Variants in CD244 observed in about 807,000 individuals in gnomAD.
The protein encoded by CD244 is CD244 molecule.
Under a neutral mutation model 45.5 loss-of-function variants are expected in CD244, and 20 were observed. That is an observed-to-expected ratio of 0.44 (90% CI 0.31 to 0.64). The LOEUF (loss-of-function observed/expected upper bound fraction) is 0.64, where lower values mean the gene tolerates loss of function less well. Among genes scored for constraint, CD244 ranks in the 30% least tolerant of loss-of-function variants. The pLI, the probability that CD244 is intolerant of heterozygous loss-of-function variation, is 0.08. For missense variants in CD244, 407 were observed against 426.9 expected (o/e 0.95, Z 0.41); for synonymous variants, 185 against 160.5 (o/e 1.15, Z -1.15).
At position 160,832,430 on chromosome 1, in the gene CD244, A is replaced by G. The variant is rs552415997; in HGVS notation, c.1017+89T>C. 7.6e-6 allele frequency: 6 copies of G among 791,788 alleles called. No homozygotes were observed. In the South Asian group the frequency reaches 1.0e-4, roughly 13 times the overall value. 49.0% of individuals were successfully genotyped at this position (791,788 alleles called of 1,614,324 possible). A position where few individuals can be genotyped will look rare whatever the true frequency, so the allele number is the denominator to read the frequency against. ...TCCCTACAACTCTGAGACTGTGTGA[A>G]TGATCTTTTCCTAAGTGTACCCTTT... On this transcript the variant is annotated intron_variant, in intron 8 of 8. Transcript: ENST00000368034.
At chr1:160,845,572 C>A (rs1669701899) in intron 1 of CD244, among the ~76,000 whole-genome samples, 2 of 152,148 alleles carry the variant, frequency 1.3e-5, no homozygotes, top group South Asian at 4.1e-4. Flanking sequence ...AACAAACCGA[C>A]AAGCTGGGCA....
intron 1 of CD244, among the ~76,000 whole-genome samples, chr1:160,860,496 T>G (rs1670259819): frequency 6.6e-6 from 1 of 152,114 alleles, no homozygotes; most frequent in Non-Finnish European, 1.5e-5. Context: ...TATGTGAATA[T>G]GGAAAGCATA....
At chr1:160,856,478 C>A (rs1024050296) in intron 1 of CD244, among the ~76,000 whole-genome samples, 2 of 152,200 alleles carry the variant, frequency 1.3e-5, no homozygotes, top group Non-Finnish European at 2.9e-5. Context: ...CTTCAATTGT[C>A]CTTCTACTTT....
At chr1:160,832,650 C>G (rs1669167633) in intron 7 of CD244, 75 bp from the exon 8 acceptor site, 1 of 1,597,384 alleles carries the variant, frequency 6.3e-7, no homozygotes, top group Non-Finnish European at 8.5e-7. Flanking sequence ...GTGAGAGGTC[C>G]CAAAAGAGAC....
intron 1 of CD244, among the ~76,000 whole-genome samples, chr1:160,856,644 T>C (rs1399090979): frequency 6.6e-6 from 1 of 152,192 alleles, no homozygotes; most frequent in Non-Finnish European, 1.5e-5. Context: ...TAGTTGTAAT[T>C]ATACATACCC....
intron 3 of CD244, among the ~76,000 whole-genome samples, chr1:160,840,071 AG>A (rs35831606): frequency 0.42 from 64,369 of 151,776 alleles, 13,766 homozygotes; most frequent in East Asian, 0.53. Context: ...ATTTTACTCA[AG>A]GGGGGAAGAA....
Position 160,838,485 on chromosome 1 carries a change from T to A in CD244, c.800A>T (p.Glu267Val). 2 of 1,613,784 alleles carry A rather than the reference T, an allele frequency of 1.2e-6. No homozygotes were observed. Among genetic ancestry groups the A allele is most frequent in the Non-Finnish European group, 1.7e-6 (2 of 1,179,680 alleles). Reference sequence around the variant, plus strand: ...CCTGGTTTTCAGATCCTTGACATCTTCGTAAATTGTCAAAAATTCCTTGGG... The same window carrying A: ...CCTGGTTTTCAGATCCTTGACATCTACGTAAATTGTCAAAAATTCCTTGGG... ...TSPKEFLTIY[E>V]DVKDLKTRRN... The change falls in exon 5 of 9, where the codon GAA becomes GTA. Residue 267 changes from glutamate (E) to valine (V), a missense_variant. By Grantham distance (121) the Glu-to-Val change is moderately radical. Transcript: ENST00000368034.
rs778338734 is a variant in CD244 at position 160,862,707 on chromosome 1, C to T, written c.-30G>A. ...ACAGGACAGAGGGGCCAGGCCAGCC[C>T]CTCCACCCCACCAGACTCTCTGCCG... On this transcript the variant is annotated 5_prime_UTR_variant, in exon 1 of 9. Coordinates refer to ENST00000368034, the MANE Select transcript of CD244 (RefSeq NM_016382.4). The T allele has an allele frequency of 1.2e-6, 2 of 1,608,264 alleles. No homozygotes were observed. The highest frequency in any genetic ancestry group is 1.1e-5 in the South Asian group (1 of 90,702).
In CD244 at chr1:160,834,085, T is replaced by A; in HGVS notation, c.926A>T (p.Tyr309Phe). ...AGGCTGAATTAATGAATATAATGTA[T>A]ATGCAGGTTCTTGTGACGTGGGAGC... is the stretch of plus-strand genomic sequence containing the variant. The part of the protein sequence containing the change: ...SSAPTSQEPA[Y>F]TLYSLIQPSR... Residue 309 changes from tyrosine to phenylalanine, a missense_variant, in exon 7 of 9, where the codon TAT (tyrosine) becomes TTT (phenylalanine). Physicochemically the swap from Tyr to Phe is conservative, Grantham distance 22. Transcript: ENST00000368034. 6.2e-7 allele frequency: 1 copy of A among 1,612,280 alleles called. No homozygotes were observed. Among genetic ancestry groups the A allele is most frequent in the Non-Finnish European group, 8.5e-7 (1 of 1,178,320 alleles).
At chr1:160,838,620 A>G in intron 4 of CD244, 102 bp from the exon 5 acceptor site, 2 of 852,802 alleles carry the variant, frequency 2.3e-6, no homozygotes, top group Non-Finnish European at 4.0e-6. Context: ...AACCTTAAAA[A>G]AGGTTCTAGA....
rs562721189 is a variant in CD244, at chr1:160,855,389, G to A, written c.61+7228C>T. Among the ~76,000 whole-genome samples, 6 of 152,334 alleles carry A rather than the reference G, an allele frequency of 3.9e-5. No homozygotes were observed. In the East Asian group the frequency reaches 9.6e-4, roughly 24 times the overall value. ...CCCCAACAGTCCAGTGTGGGAAGGA[G>A]GAAGATGGTTGGAATGAGTTTCCAT... is the stretch of plus-strand genomic sequence containing the variant. On this transcript the variant is annotated intron_variant, in intron 1 of 8. Transcript: ENST00000368034.
At chr1:160,845,067 A>C (rs1181126259) in intron 1 of CD244, among the ~76,000 whole-genome samples, 1 of 152,172 alleles carries the variant, frequency 6.6e-6, no homozygotes, top group African/African-American at 2.4e-5. Context: ...AGAGGAAACC[A>C]AAAGAACCAC....
rs528441219 is a variant in CD244 at position 160,852,276 on chromosome 1, G to A, written c.61+10341C>T. ...ACATTTAAAGGTCTGAAGGCTGGGC[G>A]AAGCGGCTCAAGCCTGTAATCCCAG... On this transcript the variant is annotated intron_variant, in intron 1 of 8. Coordinates refer to ENST00000368034, the MANE Select transcript of CD244 (RefSeq NM_016382.4). Among the ~76,000 whole-genome samples the A allele has an allele frequency of 2.6e-5, 4 of 152,352 alleles. No homozygotes were observed. The East Asian group carries it at 7.7e-4, about 29-fold the overall frequency.
chr1:160,835,519 G>C (rs565448725), intron 6 of CD244, among the ~76,000 whole-genome samples: 13 of 152,244 alleles, frequency 8.5e-5, no homozygotes, highest in African/African-American at 2.9e-4. Context: ...GGCTGAGGTG[G>C]GAGGATCACT....
chr1:160,850,280 C>T (rs955420754), intron 1 of CD244, among the ~76,000 whole-genome samples: 4 of 151,776 alleles, frequency 2.6e-5, no homozygotes, highest in African/African-American at 9.7e-5. Context: ...ATATTTAAGA[C>T]CTATACACCT....
At chr1:160,861,179 C>A (rs965163888) in intron 1 of CD244, among the ~76,000 whole-genome samples, 1 of 152,178 alleles carries the variant, frequency 6.6e-6, no homozygotes, top group African/African-American at 2.4e-5. Context: ...CCTAGCTCTC[C>A]TGCCTAGAAT....
intron 1 of CD244, among the ~76,000 whole-genome samples, chr1:160,842,239 G>C (rs1669570976): frequency 6.6e-6 from 1 of 151,984 alleles, no homozygotes; most frequent in Non-Finnish European, 1.5e-5. Context: ...TTGGTGTTAT[G>C]TTTTTGTTTT....
chr1:160,861,137 CT>C (rs1670287195), intron 1 of CD244, among the ~76,000 whole-genome samples: 1 of 152,192 alleles, frequency 6.6e-6, no homozygotes, highest in African/African-American at 2.4e-5. Flanking sequence ...GCTGTCTGAG[CT>C]GCATTCAAGG....
chr1:160,839,093 C>G lies in CD244; in HGVS notation c.656-44G>C, dbSNP rs765215463. The G allele has an allele frequency of 5.7e-6, 8 of 1,412,070 alleles. No individual in the cohort carries two copies. The African/African-American group carries it at 8.5e-5, about 15-fold the overall frequency. The allele number at this position is 1,412,070 out of a possible 1,614,324, so 87.5% of individuals were successfully genotyped here. A position where few individuals can be genotyped will look rare whatever the true frequency, so the allele number is the denominator to read the frequency against. On this transcript the variant is annotated intron_variant, in intron 3 of 8. Coordinates refer to ENST00000368034, the MANE Select transcript of CD244 (RefSeq NM_016382.4). Reference sequence around the variant, plus strand: ...GTGAGAACTGAGCTGTCAGCTCGCTCTCTTCTTCCTTCCCACCTGCCTGCT... The same window carrying G: ...GTGAGAACTGAGCTGTCAGCTCGCTGTCTTCTTCCTTCCCACCTGCCTGCT...
Sources: gnomAD v4.1 joint callset for allele counts (sites outside exome capture counted in the v4.1 genomes callset) on GRCh38, gnomAD v4.1.1 for gene constraint, MANE v1.5 for transcripts, NCBI Gene and HGNC (gene_info 2026-07-23, HGNC 2026-07-21) for gene names.